The following KCNMA1 variants were observed in gnomAD, a reference collection of about 807,000 sequenced individuals.
KCNMA1 encodes the protein potassium calcium-activated channel subfamily M alpha 1.
Under a neutral mutation model 140.0 loss-of-function variants are expected in KCNMA1, and 29 were observed. The ratio of observed to expected loss-of-function variants is 0.21; its 90% confidence interval spans 0.15 to 0.28. The LOEUF (loss-of-function observed/expected upper bound fraction) is 0.28. Ranked by LOEUF, KCNMA1 falls within the 10% of genes least tolerant of loss-of-function variation. The probability of loss-of-function intolerance (pLI) is 1.00; values close to 1 mark genes in which losing one functional copy is unlikely to be tolerated. For synonymous variants in KCNMA1, 612 were observed against 611.9 expected (o/e 1.00, Z 0.00); for missense variants, 880 against 1,602.2 (o/e 0.55, Z 7.70).
intron 2 of KCNMA1, among the ~76,000 whole-genome samples, chr10:77,315,122 C>T (rs1379601026): frequency 6.6e-6 from 1 of 152,168 alleles, no homozygotes; most frequent in Non-Finnish European, 1.5e-5. Flanking sequence ...CTAGATAGTA[C>T]CTAATAATCT....
At chr10:76,965,113 C>T (rs1195074682) in intron 20 of KCNMA1, among the ~76,000 whole-genome samples, 1 of 152,170 alleles carries the variant, frequency 6.6e-6, no homozygotes, top group Admixed American at 6.5e-5. Flanking sequence ...AAAGTCTGTG[C>T]TCCCCAGGAC....
intron 2 of KCNMA1, among the ~76,000 whole-genome samples, chr10:77,317,129 G>T (rs931648198): frequency 8.5e-5 from 13 of 152,088 alleles, no homozygotes; most frequent in Non-Finnish European, 1.9e-4. Context: ...CTACCACTTA[G>T]ACTGCCAACT....
rs188438589 is a variant in KCNMA1, at chr10:77,406,075, G to A, written c.379-2052C>T. ...GATCCAAGAGGAGGCCCAGGAGGGG[G>A]AGGCCACTGGGCAGATGTATCTGGG... On this transcript the variant is annotated intron_variant, in intron 1 of 27. Transcript: ENST00000286628. Among the ~76,000 whole-genome samples the A allele has an allele frequency of 7.2e-3, 1,093 of 152,320 alleles. 17 individuals carry two copies. Among genetic ancestry groups the A allele is most frequent in the African/African-American group, 0.025 (1,038 of 41,568 alleles).
intron 2 of KCNMA1, among the ~76,000 whole-genome samples, chr10:77,306,924 T>C (rs187382121): frequency 6.6e-6 from 1 of 152,248 alleles, no homozygotes; most frequent in East Asian, 1.9e-4. Flanking sequence ...TTGAATCCAA[T>C]CTCATTAGCC....
chr10:77,412,358 C>T (rs2096638316), intron 1 of KCNMA1, among the ~76,000 whole-genome samples: 1 of 152,206 alleles, frequency 6.6e-6, no homozygotes, highest in Non-Finnish European at 1.5e-5. Context: ...CCCCACCCCA[C>T]CCTCTCCCTG....
intron 2 of KCNMA1, among the ~76,000 whole-genome samples, chr10:77,271,724 G>A (rs1232968246): frequency 6.6e-6 from 1 of 152,004 alleles, no homozygotes; most frequent in Non-Finnish European, 1.5e-5. Context: ...CTTACTGGAA[G>A]ATGCAAAAAA....
At chr10:77,183,765 G>T (rs1245930781) in intron 4 of KCNMA1, among the ~76,000 whole-genome samples, 1 of 152,138 alleles carries the variant, frequency 6.6e-6, no homozygotes, top group Non-Finnish European at 1.5e-5. Context: ...GGGATTACAG[G>T]CATGAGTCAC....
intron 1 of KCNMA1, among the ~76,000 whole-genome samples, chr10:77,479,450 C>G (rs1483236455): frequency 2.0e-5 from 3 of 152,194 alleles, no homozygotes; most frequent in Non-Finnish European, 2.9e-5. Context: ...ATGAGCAATA[C>G]AAGGCTAGGC....
chr10:76,987,763 T>C (rs1445200856), intron 19 of KCNMA1, among the ~76,000 whole-genome samples: 1 of 151,866 alleles, frequency 6.6e-6, no homozygotes, highest in Non-Finnish European at 1.5e-5. Context: ...TGGATGCTTA[T>C]GTGGAGAACG....
At chr10:77,597,497 T>C (rs534724936) in intron 1 of KCNMA1, among the ~76,000 whole-genome samples, 26 of 152,228 alleles carry the variant, frequency 1.7e-4, no homozygotes, top group African/African-American at 6.3e-4. Context: ...GGTAAAATAT[T>C]ATGTATCAAT....
At chr10:77,018,956 G>T (rs1264090410) in intron 17 of KCNMA1, 57 bp downstream of exon 17, 9 of 937,264 alleles carry the variant, frequency 9.6e-6, no homozygotes, top group Non-Finnish European at 1.6e-5. Context: ...CTACTTCCGT[G>T]GGTCAAGGTG....
chr10:77,186,110 T>C (rs2098847290), intron 3 of KCNMA1, among the ~76,000 whole-genome samples: 1 of 152,160 alleles, frequency 6.6e-6, no homozygotes, highest in Admixed American at 6.6e-5. Context: ...GCTTGGCTGT[T>C]CAACAGGCAG....
At chr10:77,316,325 T>C (rs987115707) in intron 2 of KCNMA1, among the ~76,000 whole-genome samples, 5 of 152,212 alleles carry the variant, frequency 3.3e-5, no homozygotes, top group African/African-American at 1.2e-4. Flanking sequence ...GAAAATGGGC[T>C]GCTGAGAGGT....
intron 1 of KCNMA1, among the ~76,000 whole-genome samples, chr10:77,404,271 T>G (rs2096387882): frequency 1.3e-5 from 2 of 152,154 alleles, no homozygotes; most frequent in African/African-American, 4.8e-5. Context: ...TATTATTCTA[T>G]TCTATTTTAT....
At chr10:77,198,713 C>G (rs978264524) in intron 3 of KCNMA1, among the ~76,000 whole-genome samples, 1 of 151,878 alleles carries the variant, frequency 6.6e-6, no homozygotes. Context: ...CCTGTAAACT[C>G]CCTGCTTAAT....
chr10:76,949,791 T>A (rs1473611864), intron 21 of KCNMA1, among the ~76,000 whole-genome samples: 2 of 152,164 alleles, frequency 1.3e-5, no homozygotes, highest in African/African-American at 4.8e-5. Context: ...GCTGAGATGA[T>A]GATAAAATGG....
chr10:77,411,432 T>C (rs2096615713), intron 1 of KCNMA1, among the ~76,000 whole-genome samples: 2 of 152,220 alleles, frequency 1.3e-5, no homozygotes, highest in Admixed American at 6.5e-5. Context: ...TACTGTTTTT[T>C]AGCATGATCA....
chr10:77,175,530 CT>C (rs2098745118), intron 5 of KCNMA1, among the ~76,000 whole-genome samples: 1 of 152,220 alleles, frequency 6.6e-6, no homozygotes, highest in African/African-American at 2.4e-5. Context: ...GCCACAGTCC[CT>C]GCCACATTGC....
At chr10:77,423,097 A>G (rs1481404009) in intron 1 of KCNMA1, among the ~76,000 whole-genome samples, 2 of 152,232 alleles carry the variant, frequency 1.3e-5, no homozygotes, top group Non-Finnish European at 2.9e-5. Flanking sequence ...ACTGCTAGAC[A>G]GTGGGTGTCT....
Sources: allele counts gnomAD v4.1 joint callset (sites outside exome capture counted in the v4.1 genomes callset), GRCh38; gene constraint gnomAD v4.1.1; transcripts MANE v1.5; gene names NCBI Gene and HGNC (gene_info 2026-07-23, HGNC 2026-07-21).